The following ARHGAP25 variants were observed in gnomAD, a reference collection of about 807,000 sequenced individuals.
The protein encoded by ARHGAP25 is Rho GTPase activating protein 25.
ARHGAP25 carries 34 observed loss-of-function variants against 71.0 expected under a neutral mutation model. The ratio of observed to expected loss-of-function variants is 0.48; its 90% confidence interval spans 0.36 to 0.64. ARHGAP25 has a LOEUF of 0.64. Among genes scored for constraint, ARHGAP25 ranks in the 30% least tolerant of loss-of-function variants. The pLI is 0.00. For missense variants in ARHGAP25, 706 were observed against 805.1 expected (o/e 0.88, Z 1.49); for synonymous variants, 282 against 296.5 (o/e 0.95, Z 0.50).
chr2:68,747,052 T>G (rs1318478181), intron 1 of ARHGAP25, among the ~76,000 whole-genome samples: 2 of 151,822 alleles, frequency 1.3e-5, no homozygotes, highest in Non-Finnish European at 2.9e-5. Flanking sequence ...ATGTATCTTC[T>G]TGACACAGGC....
intron 1 of ARHGAP25, among the ~76,000 whole-genome samples, chr2:68,763,746 T>A (rs1676960748): frequency 6.6e-6 from 1 of 152,210 alleles, no homozygotes; most frequent in South Asian, 2.1e-4. Context: ...TTTCACCACA[T>A]AAAAAGTGTA....
chr2:68,724,557 A>C (rs920089492), intron 2 of ARHGAP25, among the ~76,000 whole-genome samples: 17 of 152,176 alleles, frequency 1.1e-4, no homozygotes, highest in African/African-American at 4.1e-4. Context: ...TCTGAGTGAC[A>C]AAAAATATTT....
intron 2 of ARHGAP25, 158 bp downstream of exon 2, chr2:68,775,578 A>C (rs764870612): frequency 5.2e-6 from 6 of 1,147,194 alleles, no homozygotes; most frequent in Non-Finnish European, 7.6e-6. Context: ...TTCTAGATAC[A>C]TAAACTGAGT....
chr2:68,767,734 G>T lies in ARHGAP25; in HGVS notation c.62-7487G>T, dbSNP rs1011419219. Among the ~76,000 whole-genome samples, 1 of 152,200 alleles carries T rather than the reference G, an allele frequency of 6.6e-6. No individual in the cohort carries two copies. The highest frequency in any genetic ancestry group is 2.4e-5 in the African/African-American group (1 of 41,454). ...TGTCCGTTTTCTTGTTGGGGTATCA[G>T]CACAGCCTCAGTGGTGGGCTTGAGG... On this transcript the variant is annotated intron_variant, in intron 1 of 10. Coordinates refer to ENST00000409202, the MANE Select transcript of ARHGAP25 (RefSeq NM_001007231.3). The surrounding 1 kb of genome is among the most constrained non-coding windows in gnomAD (Gnocchi z 4.6).
intron 2 of ARHGAP25, among the ~76,000 whole-genome samples, chr2:68,780,611 C>G (rs550312111): frequency 6.6e-6 from 1 of 152,096 alleles, no homozygotes. Flanking sequence ...TCCCCCTTCT[C>G]CCCTTCCTTG....
intron 1 of ARHGAP25, among the ~76,000 whole-genome samples, chr2:68,738,343 C>T (rs115271261): frequency 0.011 from 1,639 of 152,240 alleles, 11 homozygotes; most frequent in Non-Finnish European, 0.017. Flanking sequence ...TACTTGAGCA[C>T]ATTTTGTACC....
At chr2:68,724,154 A>G (rs1479361692) in intron 2 of ARHGAP25, among the ~76,000 whole-genome samples, 1 of 152,008 alleles carries the variant, frequency 6.6e-6, no homozygotes, top group Non-Finnish European at 1.5e-5. Context: ...CCGTCAGATG[A>G]GTGACCTCTG....
At chr2:68,772,807 G>A (rs182361155) in intron 1 of ARHGAP25, among the ~76,000 whole-genome samples, 9 of 152,356 alleles carry the variant, frequency 5.9e-5, no homozygotes, top group Non-Finnish European at 1.3e-4. Flanking sequence ...AAGATAGCAA[G>A]TAACTGAGGA....
chr2:68,795,487 A>T (rs899255796), intron 4 of ARHGAP25, among the ~76,000 whole-genome samples: 22 of 152,238 alleles, frequency 1.4e-4, no homozygotes, highest in African/African-American at 5.3e-4. Context: ...TGTTTAAAAA[A>T]TTTTTAGATT....
intron 2 of ARHGAP25, among the ~76,000 whole-genome samples, chr2:68,722,025 A>G (rs1326317174): frequency 6.6e-6 from 1 of 152,222 alleles, no homozygotes; most frequent in Non-Finnish European, 1.5e-5. Context: ...TTTGTGGTCC[A>G]GAATTGGTCA....
At chr2:68,806,744 G>A (rs769560647) in intron 4 of ARHGAP25, among the ~76,000 whole-genome samples, 2 of 152,320 alleles carry the variant, frequency 1.3e-5, no homozygotes, top group South Asian at 2.1e-4. Context: ...GCAGTTGACC[G>A]TGGATAAGGG....
intron 10 of ARHGAP25, among the ~76,000 whole-genome samples, chr2:68,824,128 C>T (rs1016605461): frequency 3.3e-5 from 5 of 152,190 alleles, no homozygotes; most frequent in African/African-American, 1.2e-4. Flanking sequence ...GTCTAAGAAC[C>T]TGAAACCAAT....
In ARHGAP25 at chr2:68,822,494, C is replaced by T. The variant is rs758811327; in HGVS notation, c.1355C>T (p.Thr452Ile). ...CTCCCTAACCGGAAATGTTTCTTGA[C>T]ATCAGCTTTTCAGGGTGCCAACAGC... Reference protein sequence around the residue: ...QTLPNRKCFLTSAFQGANSSK... With the variant: ...QTLPNRKCFLISAFQGANSSK... Residue 452 changes from threonine to isoleucine, a missense_variant, in exon 10 of 11, where the codon ACA becomes ATA. Thr to Ile is a moderately conservative substitution (Grantham distance 89). Coordinates refer to ENST00000409202, the MANE Select transcript of ARHGAP25 (RefSeq NM_001007231.3). The T allele has an allele frequency of 1.9e-6, 3 of 1,614,238 alleles. No individual in the cohort carries two copies. Among genetic ancestry groups the T allele is most frequent in the East Asian group, 4.5e-5 (2 of 44,886 alleles).
chr2:68,764,246 A>G (rs1676996391), intron 1 of ARHGAP25, among the ~76,000 whole-genome samples: 1 of 152,092 alleles, frequency 6.6e-6, no homozygotes, highest in Non-Finnish European at 1.5e-5. Context: ...GCTTTCCCAC[A>G]TTTTGTTTAT....
At chr2:68,771,000 G>A (rs1417487637) in intron 1 of ARHGAP25, among the ~76,000 whole-genome samples, 2 of 151,572 alleles carry the variant, frequency 1.3e-5, no homozygotes, top group Non-Finnish European at 2.9e-5. Context: ...CTGTTGTCCA[G>A]TACTGTAGCC....
chr2:68,826,264 A>T lies in ARHGAP25; in HGVS notation c.*70A>T, dbSNP rs1682128547. ...CTGGCCCCTTTCTCAGTGCTATCTG[A>T]TGACGGGGAAACAAAATTATTCTCT... On this transcript the variant is annotated 3_prime_UTR_variant, in exon 11 of 11. Coordinates refer to ENST00000409202, the MANE Select transcript of ARHGAP25 (RefSeq NM_001007231.3). 1 of 1,399,098 alleles carries T rather than the reference A, an allele frequency of 7.1e-7. No individual in the cohort carries two copies. Among genetic ancestry groups the T allele is most frequent in the East Asian group, 2.3e-5 (1 of 43,770 alleles). The allele number at this position is 1,399,098 out of a possible 1,614,324, so 86.7% of individuals were successfully genotyped here.
At position 68,775,292 on chromosome 2, in the gene ARHGAP25, G is replaced by C; in HGVS notation, c.133G>C (p.Glu45Gln). 6.2e-7 allele frequency: 1 copy of C among 1,614,258 alleles called. No homozygotes were observed. Among genetic ancestry groups the C allele is most frequent in the Non-Finnish European group, 8.5e-7 (1 of 1,180,054 alleles). Reference protein sequence around the residue: ...FHPSSTPNPLERPIKMGWLKK... With the variant: ...FHPSSTPNPLQRPIKMGWLKK... ...TCCATCGTCCACCCCCAACCCGCTG[G>C]AGAGGCCCATCAAGATGGGCTGGCT... Residue 45 changes from glutamate to glutamine, a missense_variant, in exon 2 of 11, where the codon GAG becomes CAG. Physicochemically the swap from Glu to Gln is conservative, Grantham distance 29 (BLOSUM62 2). Coordinates refer to ENST00000409202, the MANE Select transcript of ARHGAP25 (RefSeq NM_001007231.3).
intron 1 of ARHGAP25, chr2:68,735,493 T>A: frequency 1.7e-6 from 1 of 593,514 alleles, no homozygotes; most frequent in South Asian, 2.1e-5. Context: ...GTGTGCAGGA[T>A]CTGGGGTACT....
At chr2:68,775,652 AT>A in intron 2 of ARHGAP25, 4 of 685,366 alleles carry the variant, frequency 5.8e-6, no homozygotes, top group Non-Finnish European at 1.0e-5. Context: ...TTTCCTACAC[AT>A]GGCTCTGAGT....
Sources: gnomAD v4.1 joint callset for allele counts (sites outside exome capture counted in the v4.1 genomes callset) on GRCh38, gnomAD v4.1.1 for gene constraint, Gnocchi (gnomAD v3.1) non-coding constraint, MANE v1.5 for transcripts, NCBI Gene and HGNC (gene_info 2026-07-23, HGNC 2026-07-21) for gene names.